The following ACIN1 variants were observed in gnomAD, a reference collection of about 807,000 sequenced individuals.
ACIN1 encodes apoptotic chromatin condensation inducer 1, also known as apoptotic chromatin condensation inducer in the nucleus.
ACIN1 carries 16 observed loss-of-function variants against 146.6 expected under a neutral mutation model. The observed-to-expected ratio is 0.11, with a 90% confidence interval of 0.07 to 0.17. The LOEUF (loss-of-function observed/expected upper bound fraction) is 0.17, where lower values mean the gene tolerates loss of function less well. Ranked by LOEUF, ACIN1 falls within the 10% of genes least tolerant of loss-of-function variation. ACIN1 has a pLI of 1.00. For synonymous variants in ACIN1, 569 were observed against 582.7 expected (o/e 0.98, Z 0.34); for missense variants, 1,357 against 1,609.3 (o/e 0.84, Z 2.68).
In ACIN1 at chr14:23,084,621, A is replaced by G. The variant is rs554641293; in HGVS notation, c.437-2785T>C. On this transcript the variant is annotated intron_variant, in intron 4 of 18. Coordinates refer to ENST00000605057, the MANE Select transcript of ACIN1 (RefSeq NM_001386863.1). The stretch of plus-strand genomic sequence containing the variant: ...CGAGACTCCATCTCAAAAAAGAAAA[A>G]AAAAAAAAAAAACCCAAAATGAAAC... 1.6e-4 allele frequency among the ~76,000 whole-genome samples: 25 copies of G among 151,956 alleles called. No individual in the cohort carries two copies. In the South Asian group the frequency reaches 5.2e-3, roughly 32 times the overall value.
At chr14:23,061,216 G>A (rs1314973625) in intron 17 of ACIN1, 32 bp from the exon 18 acceptor site, 4 of 1,613,528 alleles carry the variant, frequency 2.5e-6, no homozygotes, top group Non-Finnish European at 3.4e-6. Context: ...CAGATATGAT[G>A]CATCTGACCC....
At position 23,067,232 on chromosome 14, in the gene ACIN1, A is replaced by G; in HGVS notation, c.2266-1224T>C. 8 of 852,996 alleles carry G rather than the reference A, an allele frequency of 9.4e-6. No homozygotes were observed. Among genetic ancestry groups the G allele is most frequent in the Non-Finnish European group, 9.9e-6 (7 of 708,938 alleles). The allele number at this position is 852,996 out of a possible 1,614,324, so 52.8% of individuals were successfully genotyped here. ...AAATAAAGATATAGAAAAAAATAAAATAAAATATTAAAAAAAGAAGAAGAA... is the reference window on the plus strand; with the variant it reads ...AAATAAAGATATAGAAAAAAATAAAGTAAAATATTAAAAAAAGAAGAAGAA... On this transcript the variant is annotated intron_variant, in intron 9 of 18. Coordinates refer to ENST00000605057, the MANE Select transcript of ACIN1 (RefSeq NM_001386863.1). The surrounding 1 kb of genome is among the most constrained non-coding windows in gnomAD (Gnocchi z 4.6).
Position 23,061,562 on chromosome 14 carries a change from C to G in ACIN1, c.3160G>C (p.Gly1054Arg). ...RPSETKTEEQ[G>R]IPRPLHPPPP... ...GGGGGGTGCAGGGGCCGTGGTATTCCCTGCTCCTCTGTCTTAGTTTCAGAG... is the reference window on the plus strand; with the variant it reads ...GGGGGGTGCAGGGGCCGTGGTATTCGCTGCTCCTCTGTCTTAGTTTCAGAG... Residue 1054 changes from glycine (G) to arginine (R), a missense_variant, in exon 17 of 19, where the codon GGA (glycine) becomes CGA (arginine). Physicochemically the swap from Gly to Arg is moderately radical, Grantham distance 125. Transcript: ENST00000605057. 1.3e-6 allele frequency: 2 copies of G among 1,576,076 alleles called. No homozygotes were observed. Among genetic ancestry groups the G allele is most frequent in the Non-Finnish European group, 1.7e-6 (2 of 1,161,750 alleles).
rs1434093597 is a variant in ACIN1, at chr14:23,090,598, T to C, written c.240A>G (p.Lys80=). ...GCTCCTGCTGCTTTTCCAGATACTG[T>C]TTTATGAAACTGTTCTGGCTCATTT... ...GEEMSQNSFI[K]QYLEKQQELL... is the part of the protein sequence containing the mutation. Residue 80 remains lysine (K), a synonymous_variant, in exon 3 of 19, where the codon AAA becomes AAG. Coordinates refer to ENST00000605057, the MANE Select transcript of ACIN1 (RefSeq NM_001386863.1). 1.9e-6 allele frequency: 3 copies of C among 1,613,986 alleles called. No individual in the cohort carries two copies. In the Admixed American group the frequency reaches 5.0e-5, roughly 27 times the overall value.
chr14:23,091,822 C>T (rs992072489), intron 2 of ACIN1, among the ~76,000 whole-genome samples: 1 of 152,070 alleles, frequency 6.6e-6, no homozygotes, highest in Non-Finnish European at 1.5e-5. Flanking sequence ...CGGGGTTTTG[C>T]CATGTTGGCC....
rs2048102594 is a variant in ACIN1, at chr14:23,086,839, A to G, written c.436+3143T>C. Among the ~76,000 whole-genome samples the G allele has an allele frequency of 1.3e-5, 2 of 152,346 alleles. 1 individual carries two copies. The highest frequency in any genetic ancestry group is 4.1e-4 in the South Asian group (2 of 4,830). On this transcript the variant is annotated intron_variant, in intron 4 of 18. Transcript: ENST00000605057. Reference sequence around the variant, plus strand: ...CATATAAACAGGAGGATGCTGGAATATAAACCAAAGATCTTGATAAATTAT... The same window carrying G: ...CATATAAACAGGAGGATGCTGGAATGTAAACCAAAGATCTTGATAAATTAT...
intron 4 of ACIN1, among the ~76,000 whole-genome samples, chr14:23,088,202 G>C (rs1011758797): frequency 2.0e-5 from 3 of 152,152 alleles, no homozygotes; most frequent in African/African-American, 7.2e-5. Context: ...TTTTAGAAGA[G>C]CTTTCTCTTT....
chr14:23,064,126 T>C lies in ACIN1; in HGVS notation c.2574A>G (p.Lys858=). The change falls in exon 12 of 19, where the codon AAA becomes AAG. Residue 858 remains lysine (K), a synonymous_variant. Transcript: ENST00000605057. ...TTACCTGAGTGACTGTCCGGCATAT[T>C]TTCAGCCCCTTGTCATGGGTCCCAT... The part of the protein sequence containing the change: ...GDDGTHDKGL[K]ICRTVTQVVP... 6.2e-7 allele frequency: 1 copy of C among 1,614,164 alleles called. No homozygotes were observed. Among genetic ancestry groups the C allele is most frequent in the Non-Finnish European group, 8.5e-7 (1 of 1,180,046 alleles).
chr14:23,079,500 TG>T, intron 6 of ACIN1, 46 bp downstream of exon 6: 1 of 1,587,990 alleles, frequency 6.3e-7, no homozygotes, highest in Middle Eastern at 1.7e-4. Context: ...TGAAAACCAC[TG>T]GAATATGACA....
chr14:23,059,447 C>T lies in ACIN1; in HGVS notation c.3553G>A (p.Glu1185Lys). ...CGCTTCTCCCGCTCCTTGGCCCGTT[C>T]GGCCCGCTCTGCCTCTTTCTGAACG... ...QIVQKEAERAERAKEREKRRK... is the reference protein window; with the variant it reads ...QIVQKEAERAKRAKEREKRRK... The change falls in exon 19 of 19, where the codon GAA (glutamate) becomes AAA (lysine). Residue 1185 changes from glutamate (E) to lysine (K), a missense_variant. Transcript: ENST00000605057. The T allele has an allele frequency of 6.2e-7, 1 of 1,613,906 alleles. No homozygotes were observed. The highest frequency in any genetic ancestry group is 1.1e-5 in the South Asian group (1 of 91,070).
At chr14:23,069,237 CTA>C (rs2047552714) in intron 9 of ACIN1, 1 of 1,219,144 alleles carries the variant, frequency 8.2e-7, no homozygotes. Context: ...TTACAAACGT[CTA>C]GAGTCTGGGC....
chr14:23,063,241 T>TAG, intron 13 of ACIN1, 167 bp from the exon 14 acceptor site: 1 of 1,100,460 alleles, frequency 9.1e-7, no homozygotes, highest in Non-Finnish European at 1.3e-6. Context: ...GCTAACCTCC[T>TAG]CATCATGGAG....
chr14:23,091,615 A>G lies in ACIN1; in HGVS notation c.205-982T>C, dbSNP rs1373511383. Reference sequence around the variant, plus strand: ...TCCTCCAAAAGATCAACCGTTACCTATCCAGGAAACATTTTTTTTTTTTTT... The same window carrying G: ...TCCTCCAAAAGATCAACCGTTACCTGTCCAGGAAACATTTTTTTTTTTTTT... On this transcript the variant is annotated intron_variant, in intron 2 of 18. Transcript: ENST00000605057. Among the ~76,000 whole-genome samples the G allele has an allele frequency of 2.0e-5, 3 of 148,592 alleles. No homozygotes were observed. The South Asian group carries it at 6.3e-4, about 31-fold the overall frequency.
Position 23,090,636 on chromosome 14 carries a change from G to A in ACIN1, c.205-3C>T. ...TTCTGGCTCATTTCCTCACCAATCT[G>A]TGTAGAGGAAATGAAAACAGAGGGT... On this transcript the variant is annotated splice_polypyrimidine_tract_variant and splice_region_variant and intron_variant, in intron 2 of 18. Coordinates refer to ENST00000605057, the MANE Select transcript of ACIN1 (RefSeq NM_001386863.1). 6.2e-7 allele frequency: 1 copy of A among 1,607,510 alleles called. No individual in the cohort carries two copies. The highest frequency in any genetic ancestry group is 8.5e-7 in the Non-Finnish European group (1 of 1,175,530).
chr14:23,064,607 CAT>C lies in ACIN1; in HGVS notation c.2309-121_2309-120del. 3 of 1,411,148 alleles carry C rather than the reference CAT, an allele frequency of 2.1e-6. No individual in the cohort carries two copies. The Admixed American group carries it at 6.4e-5, about 30-fold the overall frequency. 87.4% of individuals were successfully genotyped at this position (1,411,148 alleles called of 1,614,324 possible). ...TGGTAAAAGGTTAACTTAAAGAAATCATATTTGGAGGCTGAGTGTGGTGGCTC... is the reference window on the plus strand; with the variant it reads ...TGGTAAAAGGTTAACTTAAAGAAATCATTTGGAGGCTGAGTGTGGTGGCTC... On this transcript the variant is annotated intron_variant, in intron 10 of 18. Transcript: ENST00000605057.
rs865801106 is a variant in ACIN1 at position 23,075,325 on chromosome 14, T to C, written c.2123+2826A>G. On this transcript the variant is annotated intron_variant, in intron 8 of 18. Transcript: ENST00000605057. The stretch of plus-strand genomic sequence containing the variant: ...AATCCCCTCTTTTCTTTCTTCCCCT[T>C]TTTTTTTTTTTTTTTTTAAGTAAAA... 5.1e-5 allele frequency among the ~76,000 whole-genome samples: 7 copies of C among 137,496 alleles called. No individual in the cohort carries two copies. The South Asian group carries it at 6.8e-4, about 13-fold the overall frequency. The allele number at this position is 137,496 out of a possible 152,430, so 90.2% of individuals were successfully genotyped here. A position where few individuals can be genotyped will look rare whatever the true frequency, so the allele number is the denominator to read the frequency against.
chr14:23,068,064 A>G lies in ACIN1; in HGVS notation c.2265+1412T>C, dbSNP rs2047513472. On this transcript the variant is annotated intron_variant, in intron 9 of 18. Transcript: ENST00000605057. The surrounding 1 kb of genome is among the most constrained non-coding windows in gnomAD (Gnocchi z 4.3). ...CAACATGCTGCCCTTCACCATGGAC[A>G]ACAGGGACCAAAGGAAAGTCCATCT... The G allele has an allele frequency of 3.0e-6, 3 of 985,808 alleles. No homozygotes were observed. In the African/African-American group the frequency reaches 5.2e-5, roughly 17 times the overall value. The allele number at this position is 985,808 out of a possible 1,614,324, so 61.1% of individuals were successfully genotyped here. A position where few individuals can be genotyped will look rare whatever the true frequency, so the allele number is the denominator to read the frequency against.
chr14:23,062,922 G>T lies in ACIN1; in HGVS notation c.2883+7C>A, dbSNP rs757203105. 6.2e-7 allele frequency: 1 copy of T among 1,600,650 alleles called. No individual in the cohort carries two copies. Among genetic ancestry groups the T allele is most frequent in the Non-Finnish European group, 8.5e-7 (1 of 1,174,360 alleles). ...GCAAGCTGGGATGGTGAGAAACAAT[G>T]ACTTACCAAATTGGAGATATGGACA... On this transcript the variant is annotated splice_region_variant and intron_variant, in intron 14 of 18. Transcript: ENST00000605057.
intron 18 of ACIN1, 113 bp downstream of exon 18, chr14:23,060,971 T>G: frequency 9.9e-7 from 1 of 1,005,758 alleles, no homozygotes. Flanking sequence ...TAGTTTATCC[T>G]AAACCTAGGA....
Sources: gnomAD v4.1 joint callset for allele counts (sites outside exome capture counted in the v4.1 genomes callset) on GRCh38, gnomAD v4.1.1 for gene constraint, Gnocchi (gnomAD v3.1) non-coding constraint, MANE v1.5 for transcripts, NCBI Gene and HGNC (gene_info 2026-07-23, HGNC 2026-07-21) for gene names.